Variants in RAB30 observed in about 807,000 individuals in gnomAD.
RAB30 encodes RAB30, member RAS oncogene family, also known as ras-related protein Rab-30.
In RAB30, 9 loss-of-function variants were observed where a neutral mutation model predicts 25.1. The ratio of observed to expected loss-of-function variants is 0.36; its 90% CI spans 0.22 to 0.63. RAB30 has a LOEUF of 0.63. RAB30 is among the 20% of genes least tolerant of loss of function. The pLI is 0.69. For synonymous variants in RAB30, 77 were observed against 86.4 expected, an observed-to-expected ratio of 0.89 and a Z score of 0.60; for missense variants, 140 against 243.5, an observed-to-expected ratio of 0.58 and a Z score of 2.83.
chr11:82,985,818 C>T (rs897414164), intron 4 of RAB30, among the ~76,000 whole-genome samples: 2 of 150,528 alleles, frequency 1.3e-5, no homozygotes. Context: ...CTCAGGTGAT[C>T]CTCCTGCTTC....
At chr11:83,065,348 C>T (rs1858672071) in intron 1 of RAB30, among the ~76,000 whole-genome samples, 1 of 151,940 alleles carries the variant, frequency 6.6e-6, no homozygotes, top group Admixed American at 6.6e-5. Flanking sequence ...TGTGATCACA[C>T]CACTGCACTC....
intron 1 of RAB30, among the ~76,000 whole-genome samples, chr11:83,054,023 GA>G (rs1184484578): frequency 7.2e-5 from 11 of 152,276 alleles, no homozygotes; most frequent in African/African-American, 2.4e-4. Context: ...CTGGGAGGCA[GA>G]GGTTGCAGTG....
At position 83,029,370 on chromosome 11, in the gene RAB30, C is replaced by T. The variant is rs114205898; in HGVS notation, c.-8-32046G>A. ...TTAACTTAATCTATCCCTTTCCCCC[C>T]CTATTTTTTTCTTTGCTTAAATATT... On this transcript the variant is annotated intron_variant, in intron 1 of 4. Coordinates refer to ENST00000527633, the MANE Select transcript of RAB30 (RefSeq NM_001286060.2). Among the ~76,000 whole-genome samples the T allele has an allele frequency of 5.7e-3, 863 of 151,942 alleles. 9 individuals are homozygous for T. Among genetic ancestry groups the T allele is most frequent in the African/African-American group, 0.02 (828 of 41,452 alleles).
chr11:83,042,578 C>T (rs1209576195), intron 1 of RAB30, among the ~76,000 whole-genome samples: 1 of 151,890 alleles, frequency 6.6e-6, no homozygotes. Context: ...CAAAAAAACC[C>T]ACAAATCTTT....
intron 1 of RAB30, among the ~76,000 whole-genome samples, chr11:83,015,319 G>A (rs1330032031): frequency 1.3e-5 from 2 of 152,048 alleles, no homozygotes; most frequent in Middle Eastern, 3.2e-3. Context: ...TATAAATTTT[G>A]GAGTGTTTTT....
chr11:83,049,226 A>G (rs1858299836), intron 1 of RAB30, among the ~76,000 whole-genome samples: 1 of 152,214 alleles, frequency 6.6e-6, no homozygotes, highest in Admixed American at 6.5e-5. Context: ...CCTGGCCAAC[A>G]TGGTGAAACC....
At chr11:83,033,670 A>G (rs79799838) in intron 1 of RAB30, among the ~76,000 whole-genome samples, 2 of 152,222 alleles carry the variant, frequency 1.3e-5, no homozygotes, top group Non-Finnish European at 2.9e-5. Flanking sequence ...TTCAGTCTCA[A>G]GTGAGATTCC....
intron 1 of RAB30, among the ~76,000 whole-genome samples, chr11:83,062,780 C>T (rs886164134): frequency 2.0e-5 from 3 of 152,186 alleles, no homozygotes; most frequent in East Asian, 3.9e-4. Flanking sequence ...GTGGGCGGAT[C>T]GCCTGAGGTC....
chr11:83,050,579 G>C (rs967471948), intron 1 of RAB30, among the ~76,000 whole-genome samples: 21 of 152,130 alleles, frequency 1.4e-4, no homozygotes, highest in Admixed American at 1.0e-3. Context: ...TTTTTAAATG[G>C]ACTGAAAAAA....
intron 1 of RAB30, among the ~76,000 whole-genome samples, chr11:83,068,782 C>A (rs562969130): frequency 3.2e-4 from 49 of 152,322 alleles, no homozygotes; most frequent in Admixed American, 2.5e-3. Flanking sequence ...TCCGTTTACC[C>A]TCCAAGTCTC....
intron 1 of RAB30, among the ~76,000 whole-genome samples, chr11:83,009,215 G>A (rs918376247): frequency 5.3e-5 from 8 of 151,750 alleles, no homozygotes; most frequent in African/African-American, 1.2e-4. Context: ...ACAGGCACCC[G>A]CCACCATGCC....
intron 1 of RAB30, among the ~76,000 whole-genome samples, chr11:83,017,081 G>A (rs1857454707): frequency 6.6e-6 from 1 of 152,136 alleles, no homozygotes; most frequent in Non-Finnish European, 1.5e-5. Context: ...GCTCACACCT[G>A]TAATCCTAGC....
At position 82,974,603 on chromosome 11, in the gene RAB30, A is replaced by T. The variant is rs1856510385; in HGVS notation, c.*7562T>A. Reference sequence around the variant, plus strand: ...TATCCTATGCTTAAAACCAATAGCCAAATATCAAGAATCGAGTTCATAAAA... The same window carrying T: ...TATCCTATGCTTAAAACCAATAGCCTAATATCAAGAATCGAGTTCATAAAA... On this transcript the variant is annotated 3_prime_UTR_variant, in exon 5 of 5. Transcript: ENST00000527633. 1.3e-5 allele frequency: 2 copies of T among 152,306 alleles called. No homozygotes were observed. Among genetic ancestry groups the T allele is most frequent in the Admixed American group, 1.3e-4 (2 of 15,290 alleles). 9.4% of individuals were successfully genotyped at this position (152,306 alleles called of 1,614,324 possible).
Position 82,974,362 on chromosome 11 carries a change from C to T in RAB30, c.*7803G>A, listed in dbSNP as rs753127901. The T allele has an allele frequency of 2.6e-5, 4 of 152,138 alleles. No homozygotes were observed. The highest frequency in any genetic ancestry group is 4.8e-5 in the African/African-American group (2 of 41,424). 9.4% of individuals were successfully genotyped at this position (152,138 alleles called of 1,614,324 possible). ...ATGTTGATTGAATTTTTCATACAAT[C>T]ACCTTTCTACAGAAGGTTTTCAGCT... On this transcript the variant is annotated 3_prime_UTR_variant, in exon 5 of 5. Transcript: ENST00000527633.
chr11:83,030,254 T>G (rs1000160734), intron 1 of RAB30, among the ~76,000 whole-genome samples: 1 of 151,774 alleles, frequency 6.6e-6, no homozygotes, highest in East Asian at 1.9e-4. Context: ...CCCAGCATTT[T>G]GGGAGGCCAA....
intron 1 of RAB30, among the ~76,000 whole-genome samples, chr11:83,053,950 A>G (rs893489222): frequency 5.3e-5 from 8 of 152,070 alleles, no homozygotes; most frequent in African/African-American, 1.9e-4. Context: ...AGTAACCAGG[A>G]GTGATAGCAT....
intron 4 of RAB30, among the ~76,000 whole-genome samples, chr11:82,986,061 T>G (rs932654220): frequency 2.6e-5 from 4 of 152,114 alleles, no homozygotes; most frequent in Admixed American, 2.0e-4. Context: ...ATTTGAACAC[T>G]GTCTAAGTTT....
Position 82,974,750 on chromosome 11 carries a change from G to T in RAB30, c.*7415C>A, listed in dbSNP as rs985116212. Reference sequence around the variant, plus strand: ...GGATTCTCTAAGTCTTCATAAAGCAGCTTCTCTAAATATTTTAACTAGCTG... The same window carrying T: ...GGATTCTCTAAGTCTTCATAAAGCATCTTCTCTAAATATTTTAACTAGCTG... On this transcript the variant is annotated 3_prime_UTR_variant, in exon 5 of 5. Transcript: ENST00000527633. The T allele has an allele frequency of 6.6e-6, 1 of 151,984 alleles. No homozygotes were observed. The highest frequency in any genetic ancestry group is 1.9e-4 in the East Asian group (1 of 5,194). The allele number at this position is 151,984 out of a possible 1,614,324, so 9.4% of individuals were successfully genotyped here. A position where few individuals can be genotyped will look rare whatever the true frequency, so the allele number is the denominator to read the frequency against.
intron 1 of RAB30, among the ~76,000 whole-genome samples, chr11:82,998,797 T>C (rs1405710544): frequency 1.3e-5 from 2 of 150,842 alleles, no homozygotes; most frequent in Non-Finnish European, 2.9e-5. Context: ...ACAGACCCAA[T>C]AGACTCTGGA....
Sources: gnomAD v4.1 joint callset for allele counts (sites outside exome capture counted in the v4.1 genomes callset) on GRCh38, gnomAD v4.1.1 for gene constraint, MANE v1.5 for transcripts, NCBI Gene and HGNC (gene_info 2026-07-23, HGNC 2026-07-21) for gene names.